The following TFAP2D variants were observed in gnomAD, a reference collection of about 807,000 sequenced individuals.
The protein encoded by TFAP2D is transcription factor AP-2-delta.
A neutral mutation model predicts 43.6 loss-of-function variants in TFAP2D; 9 were observed. The ratio of observed to expected loss-of-function variants is 0.21; its 90% CI spans 0.12 to 0.36. TFAP2D has a LOEUF of 0.36. TFAP2D is among the 10% of genes least tolerant of loss of function. The probability of loss-of-function intolerance (pLI) is 1.00; values close to 1 mark genes in which losing one functional copy is unlikely to be tolerated. For synonymous variants in TFAP2D, 256 were observed against 224.9 expected (o/e 1.14, Z -1.24); for missense variants, 513 against 561.4 (o/e 0.91, Z 0.87).
At position 50,751,149 on chromosome 6, in the gene TFAP2D, A is replaced by T. The variant is rs973318188; in HGVS notation, c.1026-62A>T. 9 of 1,153,304 alleles carry T rather than the reference A, an allele frequency of 7.8e-6. No homozygotes were observed. The African/African-American group carries it at 1.4e-4, about 18-fold the overall frequency. 71.4% of individuals were successfully genotyped at this position (1,153,304 alleles called of 1,614,324 possible). ...GAGAACAAGCCTTTGGTTAAATATC[A>T]TGGGATGAAATTAAAGCTCAATTTG... is the stretch of plus-strand genomic sequence containing the variant. On this transcript the variant is annotated intron_variant, in intron 6 of 7. Transcript: ENST00000008391.
intron 1 of TFAP2D, 145 bp from the exon 2 acceptor site, chr6:50,714,971 C>T: frequency 2.7e-6 from 3 of 1,091,860 alleles, no homozygotes; most frequent in East Asian, 2.6e-5. Context: ...ACGCTGAGAC[C>T]CGGCTTCGGC....
chr6:50,767,160 C>T (rs1157783554), intron 7 of TFAP2D, among the ~76,000 whole-genome samples: 1 of 152,110 alleles, frequency 6.6e-6, no homozygotes, highest in Non-Finnish European at 1.5e-5. Flanking sequence ...GATTTGGATG[C>T]TTTTTATTTC....
At chr6:50,721,094 ATGTTAGCTACC>A (rs1768715876) in intron 3 of TFAP2D, among the ~76,000 whole-genome samples, 1 of 152,176 alleles carries the variant, frequency 6.6e-6, no homozygotes, top group Admixed American at 6.5e-5. Flanking sequence ...TATCTCCAAA[ATGTTAGCTACC>A]TTATCAGAGC....
chr6:50,769,068 T>G (rs928048020), intron 7 of TFAP2D, among the ~76,000 whole-genome samples: 2 of 151,654 alleles, frequency 1.3e-5, no homozygotes, highest in African/African-American at 2.4e-5. Flanking sequence ...ATTTTTTTTT[T>G]GTATTTTTAG....
At chr6:50,750,623 T>C (rs1295372009) in intron 6 of TFAP2D, among the ~76,000 whole-genome samples, 1 of 151,906 alleles carries the variant, frequency 6.6e-6, no homozygotes, top group Non-Finnish European at 1.5e-5. Flanking sequence ...AAAGTTACCT[T>C]GAGGGTAATT....
Position 50,772,680 on chromosome 6 carries a change from G to A in TFAP2D, c.1175G>A (p.Cys392Tyr). 1 of 1,614,026 alleles carries A rather than the reference G, an allele frequency of 6.2e-7. No individual in the cohort carries two copies. The highest frequency in any genetic ancestry group is 8.5e-7 in the Non-Finnish European group (1 of 1,179,962). ...ITHGFGTPAI[C>Y]AALSTFQTVL... ...CATGGCTTTGGGACTCCGGCAATAT[G>A]TGCAGCTCTAAGCACTTTCCAAACA... is the stretch of plus-strand genomic sequence containing the variant. The change falls in exon 8 of 8, where the codon TGT (cysteine) becomes TAT (tyrosine). Residue 392 changes from cysteine to tyrosine, a missense_variant. This residue lies in a region of TFAP2D where 199 missense variants were observed against 227.9 expected (regional missense o/e 0.87). Transcript: ENST00000008391.
intron 7 of TFAP2D, among the ~76,000 whole-genome samples, chr6:50,770,627 T>C (rs1243731897): frequency 6.6e-6 from 1 of 152,154 alleles, no homozygotes; most frequent in African/African-American, 2.4e-5. Context: ...CAACCCCACA[T>C]GGTAGATCTT....
intron 3 of TFAP2D, among the ~76,000 whole-genome samples, chr6:50,720,379 G>A (rs953892810): frequency 6.6e-6 from 1 of 152,024 alleles, no homozygotes; most frequent in Non-Finnish European, 1.5e-5. Context: ...AGAAAACAAA[G>A]GGTGCTTTCC....
chr6:50,743,085 T>C (rs1050551971), intron 5 of TFAP2D, among the ~76,000 whole-genome samples: 3 of 152,018 alleles, frequency 2.0e-5, no homozygotes, highest in African/African-American at 7.2e-5. Context: ...CAGATTAATA[T>C]AGAGATCCCT....
chr6:50,763,944 A>T (rs1414190674), intron 7 of TFAP2D, among the ~76,000 whole-genome samples: 1 of 152,168 alleles, frequency 6.6e-6, no homozygotes, highest in African/African-American at 2.4e-5. Context: ...ATTTCAACCA[A>T]CTGTAAGCCT....
At chr6:50,755,374 C>T (rs1036938138) in intron 7 of TFAP2D, among the ~76,000 whole-genome samples, 2 of 149,952 alleles carry the variant, frequency 1.3e-5, no homozygotes, top group African/African-American at 2.5e-5. Flanking sequence ...ATACTCTGCT[C>T]TTTACAAGTA....
chr6:50,720,201 C>T (rs555514371), intron 3 of TFAP2D, among the ~76,000 whole-genome samples: 1 of 152,264 alleles, frequency 6.6e-6, no homozygotes, highest in South Asian at 2.1e-4. Flanking sequence ...TCTGATGGGA[C>T]CAAATAAGTG....
At chr6:50,724,639 G>A (rs1714792518) in intron 3 of TFAP2D, among the ~76,000 whole-genome samples, 1 of 152,044 alleles carries the variant, frequency 6.6e-6, no homozygotes, top group Non-Finnish European at 1.5e-5. Context: ...CCAGGGACCC[G>A]CGGCTCCTTG....
At chr6:50,753,217 T>C (rs1471297213) in intron 7 of TFAP2D, among the ~76,000 whole-genome samples, 3 of 151,922 alleles carry the variant, frequency 2.0e-5, no homozygotes, top group African/African-American at 7.2e-5. Context: ...GAGCATACTA[T>C]TAAAGTACAG....
chr6:50,733,077 T>A (rs1044328404), intron 5 of TFAP2D, among the ~76,000 whole-genome samples: 1 of 152,080 alleles, frequency 6.6e-6, no homozygotes, highest in Non-Finnish European at 1.5e-5. Context: ...ACTAATAGGA[T>A]GAAGAACTTT....
intron 5 of TFAP2D, among the ~76,000 whole-genome samples, chr6:50,742,347 A>G (rs1054426115): frequency 6.6e-6 from 1 of 152,038 alleles, no homozygotes; most frequent in Non-Finnish European, 1.5e-5. Context: ...GTAAATGTAA[A>G]TAGCAGCTGT....
At chr6:50,770,954 G>C (rs1769518239) in intron 7 of TFAP2D, among the ~76,000 whole-genome samples, 1 of 152,064 alleles carries the variant, frequency 6.6e-6, no homozygotes, top group Admixed American at 6.6e-5. Flanking sequence ...ATATTATTAT[G>C]AGACGTAGGA....
chr6:50,721,538 T>G (rs1768725076), intron 3 of TFAP2D, among the ~76,000 whole-genome samples: 1 of 152,134 alleles, frequency 6.6e-6, no homozygotes, highest in Non-Finnish European at 1.5e-5. Context: ...TCTCAGAACT[T>G]CCTTTTACAA....
At chr6:50,760,393 A>ATCAGGGTCT (rs1769347389) in intron 7 of TFAP2D, among the ~76,000 whole-genome samples, 1 of 152,150 alleles carries the variant, frequency 6.6e-6, no homozygotes, top group South Asian at 2.1e-4. Flanking sequence ...AACCAATTAA[A>ATCAGGGTCT]TCAGGGTCTT....
Sources: gnomAD v4.1 joint callset for allele counts (sites outside exome capture counted in the v4.1 genomes callset) on GRCh38, gnomAD v4.1.1 for gene constraint, gnomAD v4.1.1 regional missense constraint, MANE v1.5 for transcripts, NCBI Gene and HGNC (gene_info 2026-07-23, HGNC 2026-07-21) for gene names.